The following HCRTR2 variants were observed in gnomAD, a reference collection of about 807,000 sequenced individuals.
HCRTR2 encodes orexin receptor type 2.
HCRTR2 carries 22 observed loss-of-function variants against 49.0 expected under a neutral mutation model. The observed-to-expected ratio is 0.45, with a 90% CI of 0.32 to 0.64. The LOEUF (loss-of-function observed/expected upper bound fraction) is 0.64. Ranked by LOEUF, HCRTR2 falls within the 30% of genes least tolerant of loss-of-function variation. The pLI, the probability that HCRTR2 is intolerant of heterozygous loss-of-function variation, is 0.04. For missense variants in HCRTR2, 491 were observed against 559.4 expected (o/e 0.88, Z 1.23); for synonymous variants, 236 against 205.3 (o/e 1.15, Z -1.28).
At chr6:55,144,966 C>T (rs186624214) in intron 1 of HCRTR2, among the ~76,000 whole-genome samples, 38 of 152,226 alleles carry the variant, frequency 2.5e-4, no homozygotes, top group Admixed American at 3.9e-4. Flanking sequence ...GTCTTTTCTT[C>T]CCATTTTTCT....
At chr6:55,209,666 A>C (rs1765663144) in intron 1 of HCRTR2, among the ~76,000 whole-genome samples, 1 of 152,200 alleles carries the variant, frequency 6.6e-6, no homozygotes, top group Non-Finnish European at 1.5e-5. Context: ...ACATCCCCAA[A>C]GAAATGATGA....
chr6:55,250,708 T>TAA (rs1766532912), intron 2 of HCRTR2, among the ~76,000 whole-genome samples: 4 of 152,138 alleles, frequency 2.6e-5, no homozygotes, highest in African/African-American at 9.6e-5. Context: ...GGGTATCTCT[T>TAA]ATAATCACTT....
chr6:55,123,937 T>C (rs1396330738), intron 1 of HCRTR2, among the ~76,000 whole-genome samples: 1 of 152,190 alleles, frequency 6.6e-6, no homozygotes, highest in East Asian at 1.9e-4. Context: ...TATTCTCTGA[T>C]GGTAGTTTGT....
chr6:55,262,846 A>C (rs917334177), intron 3 of HCRTR2, among the ~76,000 whole-genome samples: 2 of 149,734 alleles, frequency 1.3e-5, no homozygotes, highest in Non-Finnish European at 3.0e-5. Flanking sequence ...AAAATATTAA[A>C]CCACAATGCC....
chr6:55,262,829 A>G (rs1159063483), intron 3 of HCRTR2, among the ~76,000 whole-genome samples: 1 of 149,354 alleles, frequency 6.7e-6, no homozygotes, highest in African/African-American at 2.4e-5. Flanking sequence ...TATAATTTAG[A>G]AAAGCTAAAA....
intron 1 of HCRTR2, among the ~76,000 whole-genome samples, chr6:55,121,761 G>T (rs1176568464): frequency 6.6e-6 from 1 of 152,018 alleles, no homozygotes; most frequent in South Asian, 2.1e-4. Flanking sequence ...GCTGGATTAT[G>T]TTTATTGATT....
intron 1 of HCRTR2, among the ~76,000 whole-genome samples, chr6:55,109,453 A>C (rs1449914477): frequency 1.3e-4 from 20 of 152,244 alleles, no homozygotes; most frequent in Non-Finnish European, 1.2e-4. Flanking sequence ...GTGAATACCA[A>C]CTTAAAGAAA....
intron 3 of HCRTR2, among the ~76,000 whole-genome samples, chr6:55,261,087 A>G (rs1766746475): frequency 6.6e-6 from 1 of 152,248 alleles, no homozygotes; most frequent in Admixed American, 6.5e-5. Flanking sequence ...TAGAATTATA[A>G]TGAGTTAATT....
intron 1 of HCRTR2, among the ~76,000 whole-genome samples, chr6:55,191,626 A>T (rs1000346603): frequency 6.6e-6 from 1 of 152,164 alleles, no homozygotes; most frequent in Admixed American, 6.5e-5. Context: ...TCACAAAATA[A>T]ACACCAGAAT....
intron 1 of HCRTR2, among the ~76,000 whole-genome samples, chr6:55,147,248 T>C (rs1366932231): frequency 6.6e-6 from 1 of 152,146 alleles, no homozygotes; most frequent in Non-Finnish European, 1.5e-5. Flanking sequence ...AAAAGTATAA[T>C]ATATACATTA....
intron 1 of HCRTR2, among the ~76,000 whole-genome samples, chr6:55,147,568 G>A (rs1476334405): frequency 6.6e-6 from 1 of 152,134 alleles, no homozygotes; most frequent in Admixed American, 6.5e-5. Context: ...GACACAACCA[G>A]CAAGAGGCGG....
intron 1 of HCRTR2, among the ~76,000 whole-genome samples, chr6:55,211,524 T>C (rs1765696362): frequency 6.6e-6 from 1 of 152,182 alleles, no homozygotes; most frequent in South Asian, 2.1e-4. Flanking sequence ...GTATTTCATT[T>C]ACTTGAGGGG....
chr6:55,218,603 G>A (rs763718479), intron 1 of HCRTR2, among the ~76,000 whole-genome samples: 2 of 152,020 alleles, frequency 1.3e-5, no homozygotes, highest in Non-Finnish European at 2.9e-5. Context: ...ATGAGAGCAG[G>A]GCTCATTATA....
intron 1 of HCRTR2, among the ~76,000 whole-genome samples, chr6:55,198,928 A>C (rs1311400496): frequency 6.6e-6 from 1 of 152,204 alleles, no homozygotes; most frequent in Non-Finnish European, 1.5e-5. Flanking sequence ...AAATGGCCTC[A>C]GGCCTGTAAC....
intron 3 of HCRTR2, among the ~76,000 whole-genome samples, chr6:55,261,431 G>A (rs2127321248): frequency 6.6e-6 from 1 of 151,670 alleles, no homozygotes; most frequent in South Asian, 2.1e-4. Flanking sequence ...TTTTGATGGA[G>A]CCTCGCACTG....
intron 1 of HCRTR2, among the ~76,000 whole-genome samples, chr6:55,245,469 TTATA>T (rs745939954): frequency 0.016 from 912 of 56,718 alleles, 20 homozygotes; most frequent in African/African-American, 0.036. Flanking sequence ...TAGGAAGATT[TTATA>T]TATATATATA....
intron 1 of HCRTR2, among the ~76,000 whole-genome samples, chr6:55,230,756 A>G (rs1277349339): frequency 1.3e-5 from 2 of 152,214 alleles, no homozygotes; most frequent in Non-Finnish European, 2.9e-5. Flanking sequence ...TATATGCTGA[A>G]CGAATGAATT....
intron 1 of HCRTR2, among the ~76,000 whole-genome samples, chr6:55,132,812 T>A (rs1316839288): frequency 6.7e-6 from 1 of 150,222 alleles, no homozygotes; most frequent in Non-Finnish European, 1.5e-5. Context: ...TGTTTGAAAG[T>A]GGTATTGCTT....
At chr6:55,120,860 CTGTTTTGCTTACTGTAGCCT>C (rs1649976907) in intron 1 of HCRTR2, among the ~76,000 whole-genome samples, 1 of 151,978 alleles carries the variant, frequency 6.6e-6, no homozygotes, top group Admixed American at 6.6e-5. Flanking sequence ...CAGTACCATG[CTGTTTTGCTTACTGTAGCCT>C]TGTAGTATAG....
Sources: allele counts gnomAD v4.1 joint callset (sites outside exome capture counted in the v4.1 genomes callset), GRCh38; gene constraint gnomAD v4.1.1; transcripts MANE v1.5; gene names NCBI Gene and HGNC (gene_info 2026-07-23, HGNC 2026-07-21).